AGFG1: variants seen among roughly 807,000 people sequenced by gnomAD.
The protein encoded by AGFG1 is ArfGAP with FG repeats 1, also known as arf-GAP domain and FG repeat-containing protein 1.
Under a neutral mutation model 60.6 loss-of-function variants are expected in AGFG1, and 10 were observed. The ratio of observed to expected loss-of-function variants is 0.16; its 90% CI spans 0.10 to 0.28. The LOEUF is 0.28. AGFG1 is among the 10% of genes least tolerant of loss of function. The probability of loss-of-function intolerance (pLI) is 1.00; values close to 1 mark genes in which losing one functional copy is unlikely to be tolerated. For missense variants in AGFG1, 537 were observed against 676.5 expected (o/e 0.79, Z 2.29); for synonymous variants, 247 against 242.9 (o/e 1.02, Z -0.16).
chr2:227,508,387 C>A, intron 2 of AGFG1: 1 of 250,716 alleles, frequency 4.0e-6, no homozygotes, highest in Non-Finnish European at 8.1e-6. Flanking sequence ...CATATCAAGA[C>A]AAAATATAAA....
chr2:227,525,416 T>G (rs897852959), intron 5 of AGFG1, among the ~76,000 whole-genome samples: 2 of 152,212 alleles, frequency 1.3e-5, no homozygotes, highest in African/African-American at 4.8e-5. Context: ...AATAATTCAT[T>G]AGGATTCAAA....
At chr2:227,531,989 G>T in intron 6 of AGFG1, 2 of 526,368 alleles carry the variant, frequency 3.8e-6, no homozygotes, top group Non-Finnish European at 6.5e-6. Flanking sequence ...TGCTGTTTTC[G>T]TAAACTCATG....
intron 2 of AGFG1, among the ~76,000 whole-genome samples, chr2:227,507,463 C>A (rs187984863): frequency 6.6e-6 from 1 of 151,890 alleles, no homozygotes; most frequent in Non-Finnish European, 1.5e-5. Flanking sequence ...ATTAGCTGGG[C>A]GTGGTGGCAC....
intron 12 of AGFG1, among the ~76,000 whole-genome samples, chr2:227,554,043 A>G (rs954825993): frequency 6.6e-6 from 1 of 152,210 alleles, no homozygotes; most frequent in African/African-American, 2.4e-5. Flanking sequence ...TTGACAGTAG[A>G]TCAGCTATTT....
intron 2 of AGFG1, among the ~76,000 whole-genome samples, chr2:227,495,970 T>C (rs1049691021): frequency 1.3e-5 from 2 of 150,960 alleles, no homozygotes; most frequent in Non-Finnish European, 1.5e-5. Flanking sequence ...AAAAAAAAAT[T>C]AGCCAGGCAT....
chr2:227,523,790 C>G lies in AGFG1; in HGVS notation c.405C>G (p.Val135=). The change falls in exon 4 of 13, where the codon GTC becomes GTG. Residue 135 remains valine, a synonymous_variant. Coordinates refer to ENST00000310078, the MANE Select transcript of AGFG1 (RefSeq NM_004504.5). ...ATGTCCCGCCAGAACAAGCCAAAGT[C>G]GTGGCATCAGTTCATGCATCTATTT... ...RWYVPPEQAK[V]VASVHASISG... The G allele has an allele frequency of 6.2e-7, 1 of 1,613,202 alleles. No homozygotes were observed. The highest frequency in any genetic ancestry group is 8.5e-7 in the Non-Finnish European group (1 of 1,179,474).
intron 10 of AGFG1, among the ~76,000 whole-genome samples, chr2:227,540,269 G>T (rs1156729939): frequency 6.7e-6 from 1 of 148,292 alleles, no homozygotes; most frequent in Non-Finnish European, 1.5e-5. Context: ...ATGTATACAT[G>T]TACCATGTTG....
rs1553540678 is a variant in AGFG1, at chr2:227,496,121, A to AAAAAG, written c.261+4484_261+4485insAGAAA. Among the ~76,000 whole-genome samples, 295 of 142,954 alleles carry AAAAAG rather than the reference A, an allele frequency of 2.1e-3. 4 individuals carry two copies. Among genetic ancestry groups the AAAAAG allele is most frequent in the African/African-American group, 3.0e-3 (115 of 38,572 alleles). The allele number at this position is 142,954 out of a possible 152,430, so 93.8% of individuals were successfully genotyped here. The stretch of plus-strand genomic sequence containing the variant: ...GAGTGAGACTGTCTCAAAAAAAAAA[A>AAAAAG]AAAGAAAAAAAAAGAAGACATTATT... On this transcript the variant is annotated intron_variant, in intron 2 of 12. Coordinates refer to ENST00000310078, the MANE Select transcript of AGFG1 (RefSeq NM_004504.5).
chr2:227,481,439 C>T (rs1690459639), intron 1 of AGFG1, among the ~76,000 whole-genome samples: 1 of 152,098 alleles, frequency 6.6e-6, no homozygotes, highest in African/African-American at 2.4e-5. Context: ...ATTTCTGACC[C>T]CACTTTAAGC....
intron 10 of AGFG1, among the ~76,000 whole-genome samples, chr2:227,545,957 A>G (rs935051177): frequency 1.8e-4 from 27 of 152,282 alleles, no homozygotes; most frequent in African/African-American, 6.3e-4. Flanking sequence ...CCACTTGAGG[A>G]GGCAGTCTGG....
chr2:227,511,837 G>T (rs1691505185), intron 2 of AGFG1, among the ~76,000 whole-genome samples: 1 of 152,142 alleles, frequency 6.6e-6, no homozygotes, highest in African/African-American at 2.4e-5. Flanking sequence ...AATAATGTGA[G>T]AGTGCGTATC....
intron 1 of AGFG1, among the ~76,000 whole-genome samples, chr2:227,474,333 A>G (rs1465534645): frequency 6.6e-6 from 1 of 152,252 alleles, no homozygotes; most frequent in East Asian, 1.9e-4. Flanking sequence ...TGATTTGGAA[A>G]AAATACATAT....
intron 1 of AGFG1, 29 bp downstream of exon 1, chr2:227,472,617 G>A (rs376094083): frequency 3.2e-6 from 5 of 1,551,288 alleles, no homozygotes; most frequent in Non-Finnish European, 4.4e-6. Flanking sequence ...GGCGGGTGTC[G>A]GGCCCTTCCC....
chr2:227,522,087 T>G (rs1691843977), intron 3 of AGFG1, among the ~76,000 whole-genome samples: 1 of 152,228 alleles, frequency 6.6e-6, no homozygotes, highest in African/African-American at 2.4e-5. Flanking sequence ...TAACTATACT[T>G]AAAACAGTGA....
At position 227,557,084 on chromosome 2, in the gene AGFG1, A is replaced by C. The variant is rs971358646; in HGVS notation, c.*2589A>C. The C allele has an allele frequency of 1.3e-5, 2 of 152,182 alleles. No individual in the cohort carries two copies. The highest frequency in any genetic ancestry group is 4.8e-5 in the African/African-American group (2 of 41,454). 9.4% of individuals were successfully genotyped at this position (152,182 alleles called of 1,614,324 possible). On this transcript the variant is annotated 3_prime_UTR_variant, in exon 13 of 13. Transcript: ENST00000310078. ...ACCATCAAAATTATGTTGAGTACTA[A>C]AAAGGAGAAAAAATCCTGGAAGGTA...
chr2:227,505,731 T>A (rs1691293579), intron 2 of AGFG1, among the ~76,000 whole-genome samples: 1 of 148,988 alleles, frequency 6.7e-6, no homozygotes, highest in African/African-American at 2.5e-5. Context: ...TTTTATTTTG[T>A]TTTTTTTGTT....
At chr2:227,509,936 C>G (rs886416533) in intron 2 of AGFG1, among the ~76,000 whole-genome samples, 6 of 152,084 alleles carry the variant, frequency 3.9e-5, no homozygotes, top group Non-Finnish European at 8.8e-5. Flanking sequence ...CAAGGAAACT[C>G]GTGAAAGGCA....
chr2:227,502,281 T>G (rs1037218092), intron 2 of AGFG1, among the ~76,000 whole-genome samples: 2 of 152,186 alleles, frequency 1.3e-5, no homozygotes, highest in African/African-American at 2.4e-5. Context: ...GTCAGATATA[T>G]CCTTAGTAAA....
chr2:227,525,556 G>A (rs1000554957), intron 5 of AGFG1, among the ~76,000 whole-genome samples: 3 of 152,184 alleles, frequency 2.0e-5, no homozygotes, highest in Admixed American at 6.5e-5. Flanking sequence ...TGTGAGACAT[G>A]TCTCTTAGGT....
Sources: allele counts gnomAD v4.1 joint callset (sites outside exome capture counted in the v4.1 genomes callset), GRCh38; gene constraint gnomAD v4.1.1; transcripts MANE v1.5; gene names NCBI Gene and HGNC (gene_info 2026-07-23, HGNC 2026-07-21).